ADCY8: variants seen among roughly 807,000 people sequenced by gnomAD.
ADCY8 encodes the protein adenylate cyclase 8.
Under a neutral mutation model 119.7 loss-of-function variants are expected in ADCY8, and 51 were observed. That is an observed-to-expected ratio of 0.43 (90% CI 0.34 to 0.54). The LOEUF is 0.54. Among genes scored for constraint, ADCY8 ranks in the 20% least tolerant of loss-of-function variants. The pLI is 0.03. For synonymous variants in ADCY8, 665 were observed against 651.0 expected, an observed-to-expected ratio of 1.02 and a Z score of -0.33; for missense variants, 1,383 against 1,598.8, an observed-to-expected ratio of 0.87 and a Z score of 2.30.
chr8:130,831,376 A>G (rs1235905786), intron 12 of ADCY8, among the ~76,000 whole-genome samples: 1 of 152,220 alleles, frequency 6.6e-6, no homozygotes, highest in African/African-American at 2.4e-5. Context: ...GGAAGACATG[A>G]AAATTAGTTA....
In ADCY8 at chr8:130,849,687, C is replaced by T. The variant is rs1226820568; in HGVS notation, c.2327G>A (p.Cys776Tyr). The T allele has an allele frequency of 6.2e-7, 1 of 1,614,038 alleles. No homozygotes were observed. The highest frequency in any genetic ancestry group is 1.1e-5 in the South Asian group (1 of 91,078). The change falls in exon 10 of 18, where the codon TGT becomes TAT. Residue 776 changes from cysteine to tyrosine, a missense_variant. Around this residue, in one of 2 missense-constraint regions of ADCY8, gnomAD observed 928 missense variants for 1,163.5 expected, o/e 0.80. Coordinates refer to ENST00000286355, the MANE Select transcript of ADCY8 (RefSeq NM_001115.3). ...CLPLILRKTC[C>Y]WINETYLARN... is the part of the protein sequence containing the mutation. ...GGCCAAATAGGTCTCATTAATCCAA[C>T]AGCAAGTTTTCCGGAGGATGAGGGG... is the stretch of plus-strand genomic sequence containing the variant.
chr8:130,910,270 C>G (rs3923136), intron 5 of ADCY8, among the ~76,000 whole-genome samples: 88,861 of 152,044 alleles, frequency 0.58, 27,542 homozygotes, highest in East Asian at 0.69. Context: ...AAAACCTGCT[C>G]TGTAACCTCT....
intron 8 of ADCY8, among the ~76,000 whole-genome samples, chr8:130,872,017 TGAG>T (rs1818380061): frequency 6.6e-6 from 1 of 152,034 alleles, no homozygotes; most frequent in African/African-American, 2.4e-5. Context: ...ATAGGAAACT[TGAG>T]GATCAGAGAT....
intron 3 of ADCY8, among the ~76,000 whole-genome samples, chr8:130,947,182 A>G (rs1021522782): frequency 2.6e-5 from 4 of 152,212 alleles, no homozygotes; most frequent in African/African-American, 4.8e-5. Flanking sequence ...TCACTCTTCA[A>G]ATAGAATCCC....
chr8:130,799,589 G>C (rs1424327327), intron 15 of ADCY8, among the ~76,000 whole-genome samples: 1 of 152,172 alleles, frequency 6.6e-6, no homozygotes, highest in Non-Finnish European at 1.5e-5. Flanking sequence ...TCCTTTTGGA[G>C]AATTTGCTTG....
intron 4 of ADCY8, among the ~76,000 whole-genome samples, chr8:130,938,156 T>C (rs982030866): frequency 1.3e-5 from 2 of 152,158 alleles, no homozygotes; most frequent in African/African-American, 4.8e-5. Flanking sequence ...ACTGCCTCTG[T>C]CTTTTCTGTG....
At chr8:131,026,760 T>C (rs757142607) in intron 1 of ADCY8, among the ~76,000 whole-genome samples, 3 of 152,116 alleles carry the variant, frequency 2.0e-5, no homozygotes, top group South Asian at 2.1e-4. Context: ...AGAGAACTCA[T>C]TGAAAAAGGG....
At chr8:130,968,180 T>C (rs1016153357) in intron 2 of ADCY8, among the ~76,000 whole-genome samples, 1 of 151,926 alleles carries the variant, frequency 6.6e-6, no homozygotes, top group Non-Finnish European at 1.5e-5. Context: ...TCTGCTTTTT[T>C]TTTTTTTTGA....
intron 7 of ADCY8, among the ~76,000 whole-genome samples, chr8:130,891,329 A>T (rs1213627255): frequency 1.3e-5 from 2 of 152,154 alleles, no homozygotes; most frequent in African/African-American, 4.8e-5. Flanking sequence ...AGTGCACATT[A>T]CAGCGATTCT....
intron 2 of ADCY8, among the ~76,000 whole-genome samples, chr8:130,958,649 T>G (rs1821506053): frequency 6.6e-6 from 1 of 152,012 alleles, no homozygotes. Context: ...AACCATCAGA[T>G]CTCATGAGAA....
intron 15 of ADCY8, among the ~76,000 whole-genome samples, chr8:130,791,630 C>T (rs1196320019): frequency 6.6e-6 from 1 of 152,232 alleles, no homozygotes. Flanking sequence ...ACAGCTTTAA[C>T]CTCATGTCTG....
chr8:130,846,597 T>C (rs1214294014), intron 11 of ADCY8, among the ~76,000 whole-genome samples: 65 of 116,134 alleles, frequency 5.6e-4, no homozygotes, highest in Non-Finnish European at 1.4e-4. Context: ...CTCCCTTCCT[T>C]CCTCCCTCCC....
intron 9 of ADCY8, among the ~76,000 whole-genome samples, chr8:130,861,029 G>A (rs1299384124): frequency 6.6e-6 from 1 of 152,118 alleles, no homozygotes; most frequent in African/African-American, 2.4e-5. Flanking sequence ...TATTTGTGTG[G>A]GTGTATTTTG....
intron 5 of ADCY8, among the ~76,000 whole-genome samples, chr8:130,930,353 G>A (rs11996141): frequency 0.012 from 1,807 of 151,602 alleles, 39 homozygotes; most frequent in African/African-American, 0.042. Flanking sequence ...CCAAGTTCAC[G>A]CCATTCTCCT....
chr8:130,883,233 A>G (rs1209720948), intron 8 of ADCY8, among the ~76,000 whole-genome samples: 1 of 152,212 alleles, frequency 6.6e-6, no homozygotes, highest in Non-Finnish European at 1.5e-5. Flanking sequence ...ACACAAGCTA[A>G]TTGAGAAGTT....
intron 15 of ADCY8, 74 bp from the exon 16 acceptor site, chr8:130,785,549 C>T: frequency 9.3e-7 from 1 of 1,073,458 alleles, no homozygotes; most frequent in Non-Finnish European, 1.3e-6. Flanking sequence ...GAAAACAGGC[C>T]CCTGGCTCAC....
intron 8 of ADCY8, among the ~76,000 whole-genome samples, chr8:130,873,061 T>C (rs1818423937): frequency 6.6e-6 from 1 of 152,202 alleles, no homozygotes. Flanking sequence ...TCAGATTTCT[T>C]ATCCACAGAG....
intron 5 of ADCY8, among the ~76,000 whole-genome samples, chr8:130,929,820 G>A (rs1820580788): frequency 6.6e-6 from 1 of 152,128 alleles, no homozygotes; most frequent in Non-Finnish European, 1.5e-5. Context: ...GTACTTTGAT[G>A]TTGGGTGCAG....
chr8:130,986,784 G>A (rs1822414969), intron 2 of ADCY8, among the ~76,000 whole-genome samples: 1 of 152,168 alleles, frequency 6.6e-6, no homozygotes, highest in Non-Finnish European at 1.5e-5. Flanking sequence ...TCACTTTGGT[G>A]TACACAGCAC....
Sources: allele counts gnomAD v4.1 joint callset (sites outside exome capture counted in the v4.1 genomes callset), GRCh38; gene constraint gnomAD v4.1.1; regional missense constraint gnomAD v4.1.1; transcripts MANE v1.5; gene names NCBI Gene and HGNC (gene_info 2026-07-23, HGNC 2026-07-21).